The following AGBL4 variants were observed in gnomAD, a reference collection of about 807,000 sequenced individuals.
AGBL4 encodes the protein cytosolic carboxypeptidase 6.
Under a neutral mutation model 66.4 loss-of-function variants are expected in AGBL4, and 58 were observed. That is an observed-to-expected ratio of 0.87 (90% CI 0.71 to 1.09). The LOEUF is 1.09. Among genes scored for constraint, AGBL4 ranks in the 50% least tolerant of loss-of-function variants. AGBL4 has a pLI of 0.00. For missense variants in AGBL4, 579 were observed against 631.0 expected, an observed-to-expected ratio of 0.92 and a Z score of 0.88; for synonymous variants, 234 against 222.9, an observed-to-expected ratio of 1.05 and a Z score of -0.44.
intron 3 of AGBL4, among the ~76,000 whole-genome samples, chr1:49,403,624 T>C (rs2148615310): frequency 6.6e-6 from 1 of 152,294 alleles, no homozygotes; most frequent in East Asian, 1.9e-4. Flanking sequence ...AAGGTCATGT[T>C]TTCCAGGATT....
intron 2 of AGBL4, among the ~76,000 whole-genome samples, chr1:49,807,653 T>C (rs1645005707): frequency 6.6e-6 from 1 of 152,224 alleles, no homozygotes; most frequent in African/African-American, 2.4e-5. Flanking sequence ...TTGGGGTTAC[T>C]GGGATGGAAT....
chr1:49,507,135 T>A (rs1001208260), intron 3 of AGBL4, among the ~76,000 whole-genome samples: 3 of 151,950 alleles, frequency 2.0e-5, no homozygotes, highest in Non-Finnish European at 4.4e-5. Context: ...GCTAGAGAGA[T>A]CATATAGAAA....
At chr1:48,525,805 G>A in the AGBL4 span, among the ~76,000 whole-genome samples, 147 of 152,332 alleles carry the variant, frequency 9.6e-4, no homozygotes, top group African/African-American at 3.4e-3. Context: ...GTTGAGGATA[G>A]AATGTGGCTT....
At chr1:48,904,423 C>G (rs780245381) in intron 5 of AGBL4, among the ~76,000 whole-genome samples, 2 of 152,204 alleles carry the variant, frequency 1.3e-5, no homozygotes, top group African/African-American at 4.8e-5. Context: ...GTATTTAAAG[C>G]ATGGACTATA....
chr1:49,444,375 T>C (rs898380426), intron 3 of AGBL4, among the ~76,000 whole-genome samples: 7 of 152,086 alleles, frequency 4.6e-5, no homozygotes, highest in African/African-American at 1.7e-4. Context: ...TCCTCTACTG[T>C]TATTGCAGTC....
chr1:49,691,287 A>T (rs1646881020), intron 3 of AGBL4: 1 of 152,330 alleles, frequency 6.6e-6, no homozygotes, highest in Non-Finnish European at 1.5e-5. Context: ...TTGATTCTTG[A>T]TGGTGGTGGC....
At chr1:48,782,755 C>A (rs1411991661) in intron 6 of AGBL4, among the ~76,000 whole-genome samples, 1 of 152,196 alleles carries the variant, frequency 6.6e-6, no homozygotes. Flanking sequence ...AACTGATGAA[C>A]CTACATTGAC....
intron 2 of AGBL4, among the ~76,000 whole-genome samples, chr1:49,787,717 G>A (rs1169668002): frequency 6.6e-6 from 1 of 152,050 alleles, no homozygotes; most frequent in African/African-American, 2.4e-5. Flanking sequence ...AAAACCACAC[G>A]GGGTGAAGTC....
At chr1:49,917,911 G>A (rs555385665) in intron 1 of AGBL4, among the ~76,000 whole-genome samples, 1 of 152,254 alleles carries the variant, frequency 6.6e-6, no homozygotes, top group East Asian at 1.9e-4. Context: ...AATCAAACTA[G>A]AACTCAGGAT....
intron 1 of AGBL4, among the ~76,000 whole-genome samples, chr1:49,855,123 A>T (rs1202677881): frequency 1.3e-5 from 2 of 152,290 alleles, no homozygotes; most frequent in South Asian, 4.1e-4. Flanking sequence ...AGTCTGGGGT[A>T]TTTCTTCCTA....
rs182438651 is a variant in AGBL4, at chr1:49,928,364, C to A, written c.35-76846G>T. Among the ~76,000 whole-genome samples the A allele has an allele frequency of 4.3e-3, 652 of 152,222 alleles. 4 individuals carry two copies. Among genetic ancestry groups the A allele is most frequent in the Admixed American group, 0.014 (209 of 15,286 alleles). ...CACCCGGGTTCAAGCAATTCTCCTG[C>A]CTCAGCCTCCCAAGTAGCTGGGACT... On this transcript the variant is annotated intron_variant, in intron 1 of 13. Coordinates refer to ENST00000371839, the MANE Select transcript of AGBL4 (RefSeq NM_032785.4).
intron 3 of AGBL4, among the ~76,000 whole-genome samples, chr1:49,482,307 C>T (rs1646971606): frequency 1.3e-5 from 2 of 151,938 alleles, no homozygotes; most frequent in Non-Finnish European, 2.9e-5. Flanking sequence ...TTCATTACTG[C>T]CTCAGAGCTC....
intron 4 of AGBL4, among the ~76,000 whole-genome samples, chr1:49,200,274 G>T (rs1647585648): frequency 6.6e-6 from 1 of 152,014 alleles, no homozygotes; most frequent in Non-Finnish European, 1.5e-5. Context: ...CAGATACTTT[G>T]TAAAAAAACC....
At chr1:49,544,878 G>A (rs760619428) in intron 3 of AGBL4, among the ~76,000 whole-genome samples, 9 of 152,176 alleles carry the variant, frequency 5.9e-5, no homozygotes, top group Non-Finnish European at 7.4e-5. Flanking sequence ...TTGAGAGAAC[G>A]AGGTGAACCC....
intron 1 of AGBL4, among the ~76,000 whole-genome samples, chr1:50,021,852 A>G (rs1662467445): frequency 6.6e-6 from 1 of 152,158 alleles, no homozygotes; most frequent in Non-Finnish European, 1.5e-5. Flanking sequence ...GCTTCCCATT[A>G]TTCTTAGGAT....
chr1:49,363,335 C>A (rs913659401), intron 3 of AGBL4, among the ~76,000 whole-genome samples: 1 of 152,122 alleles, frequency 6.6e-6, no homozygotes, highest in African/African-American at 2.4e-5. Context: ...AAAGTACACA[C>A]GGTTGGCTGG....
intron 9 of AGBL4, among the ~76,000 whole-genome samples, chr1:48,597,565 G>A (rs1557817241): frequency 1.3e-5 from 2 of 151,900 alleles, no homozygotes; most frequent in African/African-American, 4.8e-5. Context: ...CAGGTGTGGT[G>A]GCATGCACCT....
chr1:49,658,779 G>A (rs1413572926), intron 3 of AGBL4, among the ~76,000 whole-genome samples: 3 of 150,378 alleles, frequency 2.0e-5, no homozygotes, highest in African/African-American at 7.3e-5. Flanking sequence ...AACACCGCAT[G>A]TTCTCACTCA....
chr1:49,974,419 G>C (rs968985741), intron 1 of AGBL4, among the ~76,000 whole-genome samples: 31 of 152,092 alleles, frequency 2.0e-4, no homozygotes, highest in Non-Finnish European at 3.2e-4. Flanking sequence ...TGAAATAAAT[G>C]AGGCCAAATA....
Sources: gnomAD v4.1 joint callset for allele counts (sites outside exome capture counted in the v4.1 genomes callset) on GRCh38, gnomAD v4.1.1 for gene constraint, MANE v1.5 for transcripts, NCBI Gene and HGNC (gene_info 2026-07-23, HGNC 2026-07-21) for gene names.